The following NUP214 variants were observed in gnomAD, a reference collection of about 807,000 sequenced individuals.
The protein encoded by NUP214 is nucleoporin 214.
A neutral mutation model predicts 196.2 loss-of-function variants in NUP214; 79 were observed. The ratio of observed to expected loss-of-function variants is 0.40; its 90% CI spans 0.34 to 0.49. NUP214 has a LOEUF of 0.49. Ranked by LOEUF, NUP214 falls within the 20% of genes least tolerant of loss-of-function variation. The pLI, the probability that NUP214 is intolerant of heterozygous loss-of-function variation, is 0.58. For synonymous variants in NUP214, 1,020 were observed against 990.5 expected (o/e 1.03, Z -0.56); for missense variants, 2,468 against 2,539.0 (o/e 0.97, Z 0.60).
At chr9:131,162,108 G>A (rs1021855478) in intron 18 of NUP214, among the ~76,000 whole-genome samples, 3 of 152,096 alleles carry the variant, frequency 2.0e-5, no homozygotes, top group African/African-American at 7.2e-5. Context: ...CAAAAGATTA[G>A]ACACCCCTGC....
intron 14 of NUP214, 49 bp downstream of exon 14, chr9:131,147,633 C>A: frequency 1.6e-6 from 2 of 1,264,694 alleles, no homozygotes; most frequent in South Asian, 1.2e-5. Flanking sequence ...ATTTACTGCC[C>A]CAAGCATACC....
At chr9:131,201,554 A>G (rs1588164035) in intron 29 of NUP214, 93 bp from the exon 30 acceptor site, 1 of 947,520 alleles carries the variant, frequency 1.1e-6, no homozygotes, top group East Asian at 2.6e-5. Context: ...ACAGAGCGAG[A>G]CTCTGCCTCA....
chr9:131,188,315 A>G (rs907112131), intron 25 of NUP214, among the ~76,000 whole-genome samples: 1 of 152,232 alleles, frequency 6.6e-6, no homozygotes, highest in African/African-American at 2.4e-5. Context: ...GTGATATTGC[A>G]AACAGTTAAA....
At chr9:131,165,296 A>C (rs192444706) in intron 21 of NUP214, 93 of 152,278 alleles carry the variant, frequency 6.1e-4, no homozygotes, top group African/African-American at 2.2e-3. Context: ...AAGTTAAAAA[A>C]TTACTCTCTC....
intron 35 of NUP214, among the ~76,000 whole-genome samples, 185 bp from the exon 36 acceptor site, chr9:131,233,267 CAG>C (rs777821970): frequency 9.2e-5 from 14 of 152,076 alleles, no homozygotes; most frequent in Non-Finnish European, 1.8e-4. Context: ...GCCCGAGAGA[CAG>C]AGGTTGCAGT....
rs79188142 is a variant in NUP214 at position 131,154,825 on chromosome 9, T to TTG, written c.2436+2948_2436+2949dup. ...CCTTTTTATGGCTGAGTAGTAGTAG[T>TTG]TGTGTGTGTGTGTGTGTGCGCACGC... On this transcript the variant is annotated intron_variant, in intron 17 of 35. Transcript: ENST00000359428. Among the ~76,000 whole-genome samples the TTG allele has an allele frequency of 8.1e-3, 1,235 of 151,658 alleles. 18 individuals are homozygous for TTG. Among genetic ancestry groups the TTG allele is most frequent in the African/African-American group, 0.02 (843 of 41,394 alleles).
At chr9:131,201,097 A>G (rs763829527) in intron 29 of NUP214, among the ~76,000 whole-genome samples, 13 of 147,766 alleles carry the variant, frequency 8.8e-5, no homozygotes, top group Admixed American at 8.3e-4. Context: ...ACTTTTCTCC[A>G]TACTAGATGA....
chr9:131,163,790 T>G (rs987378650), intron 19 of NUP214, 80 bp from the exon 20 acceptor site: 1 of 940,286 alleles, frequency 1.1e-6, no homozygotes, highest in Non-Finnish European at 1.7e-6. Context: ...TGCATTTATA[T>G]TTAAGAGGAT....
At chr9:131,203,286 C>T (rs952586006) in intron 30 of NUP214, among the ~76,000 whole-genome samples, 6 of 152,164 alleles carry the variant, frequency 3.9e-5, no homozygotes, top group Admixed American at 3.9e-4. Context: ...GTAAGCATCA[C>T]AGCACCTCCA....
intron 21 of NUP214, among the ~76,000 whole-genome samples, chr9:131,172,351 T>C (rs1182028720): frequency 2.0e-5 from 3 of 152,228 alleles, no homozygotes; most frequent in Admixed American, 1.3e-4. Context: ...ATAAATGTCT[T>C]CTTTTGAGAA....
intron 30 of NUP214, among the ~76,000 whole-genome samples, chr9:131,204,530 T>A (rs1180868235): frequency 6.6e-6 from 1 of 152,204 alleles, no homozygotes; most frequent in South Asian, 2.1e-4. Context: ...ATGCGCATGA[T>A]TGTGTTCAGT....
At position 131,192,236 on chromosome 9, in the gene NUP214, T is replaced by G. The variant is rs893390689; in HGVS notation, c.3603T>G (p.Thr1201=). The part of the protein sequence containing the change: ...SGTAKIETAV[T]STPSASGQFS... ...CAGCCAAGATAGAAACAGCTGTGACTTCAACCCCATCTGCTTCTGGGCAGT... is the reference window on the plus strand; with the variant it reads ...CAGCCAAGATAGAAACAGCTGTGACGTCAACCCCATCTGCTTCTGGGCAGT... Residue 1201 remains threonine (T), a synonymous_variant, in exon 27 of 36, where the codon ACT becomes ACG. Coordinates refer to ENST00000359428, the MANE Select transcript of NUP214 (RefSeq NM_005085.4). The G allele has an allele frequency of 2.1e-6, 3 of 1,429,544 alleles. No homozygotes were observed. The African/African-American group carries it at 4.5e-5, about 21-fold the overall frequency. 88.6% of individuals were successfully genotyped at this position (1,429,544 alleles called of 1,614,324 possible). A position where few individuals can be genotyped will look rare whatever the true frequency, so the allele number is the denominator to read the frequency against.
chr9:131,140,190 A>G (rs1186144677), intron 10 of NUP214, among the ~76,000 whole-genome samples: 1 of 152,140 alleles, frequency 6.6e-6, no homozygotes, highest in Non-Finnish European at 1.5e-5. Context: ...TAACCTAAGT[A>G]CTTCTTAGAT....
In NUP214 at chr9:131,234,147, C is replaced by T. The variant is rs1409381460; in HGVS notation, c.*660C>T. The T allele has an allele frequency of 8.6e-6, 2 of 233,546 alleles. No homozygotes were observed. The highest frequency in any genetic ancestry group is 1.2e-4 in the East Asian group (2 of 16,572). The allele number at this position is 233,546 out of a possible 1,614,324, so 14.5% of individuals were successfully genotyped here. Reference sequence around the variant, plus strand: ...CGCCTTAGCCGGCCTTGGCTCTCATCTCCATGTGGCTCTTGGGTGCCATGT... The same window carrying T: ...CGCCTTAGCCGGCCTTGGCTCTCATTTCCATGTGGCTCTTGGGTGCCATGT... On this transcript the variant is annotated 3_prime_UTR_variant, in exon 36 of 36. Transcript: ENST00000359428.
intron 5 of NUP214, 144 bp downstream of exon 5, chr9:131,130,980 T>G (rs1831527880): frequency 1.5e-6 from 1 of 650,264 alleles, no homozygotes; most frequent in Admixed American, 2.6e-5. Flanking sequence ...AGAGTGGAAC[T>G]CTTCCCTTTC....
intron 32 of NUP214, among the ~76,000 whole-genome samples, chr9:131,227,031 A>T (rs1009341072): frequency 2.0e-5 from 3 of 152,232 alleles, no homozygotes; most frequent in African/African-American, 7.2e-5. Context: ...TCACCTTAAG[A>T]AGTACTCCCT....
chr9:131,226,874 A>G (rs1305249147), intron 32 of NUP214, among the ~76,000 whole-genome samples: 1 of 152,202 alleles, frequency 6.6e-6, no homozygotes, highest in Middle Eastern at 3.2e-3. Flanking sequence ...CCTGATTCAG[A>G]TGGCAGAAGC....
chr9:131,187,257 T>A, intron 24 of NUP214, 32 bp from the exon 25 acceptor site: 6 of 1,592,534 alleles, frequency 3.8e-6, no homozygotes, highest in Non-Finnish European at 5.2e-6. Context: ...AGTCATGCCT[T>A]TCTCTGAGTG....
At position 131,125,666 on chromosome 9, in the gene NUP214, A is replaced by G; in HGVS notation, c.-39A>G. 6.5e-7 allele frequency: 1 copy of G among 1,545,698 alleles called. No individual in the cohort carries two copies. The highest frequency in any genetic ancestry group is 8.7e-7 in the Non-Finnish European group (1 of 1,144,070). ...TGGGTTCCGTGGGCAAGGCCGTGGG[A>G]GGCAGCGTTGGCTGCTTCGACACAC... On this transcript the variant is annotated 5_prime_UTR_variant, in exon 1 of 36. Transcript: ENST00000359428. This position sits in a 1 kb window ranked among gnomAD's most constrained non-coding sequence, Gnocchi z 4.1.
Sources: allele counts gnomAD v4.1 joint callset (sites outside exome capture counted in the v4.1 genomes callset), GRCh38; gene constraint gnomAD v4.1.1; non-coding constraint Gnocchi (gnomAD v3.1); transcripts MANE v1.5; gene names NCBI Gene and HGNC (gene_info 2026-07-23, HGNC 2026-07-21).